Variants in DGKI observed in about 807,000 individuals in gnomAD.
The protein encoded by DGKI is diacylglycerol kinase iota.
In DGKI, 55 loss-of-function variants were observed where a neutral mutation model predicts 147.5. That is an observed-to-expected ratio of 0.37 (90% confidence interval 0.30 to 0.47). The LOEUF is 0.47. Ranked by LOEUF, DGKI falls within the 20% of genes least tolerant of loss-of-function variation. DGKI has a pLI of 1.00. For missense variants in DGKI, 1,007 were observed against 1,323.8 expected (o/e 0.76, Z 3.71); for synonymous variants, 469 against 477.1 (o/e 0.98, Z 0.22).
chr7:137,670,137 C>T (rs575054301), intron 3 of DGKI, among the ~76,000 whole-genome samples: 14 of 152,202 alleles, frequency 9.2e-5, no homozygotes, highest in South Asian at 4.1e-4. Context: ...TGTATAATGC[C>T]GTATATTGTT....
In DGKI at chr7:137,786,604, A is replaced by G. The variant is rs550047503; in HGVS notation, c.401+59858T>C. 1.7e-3 allele frequency among the ~76,000 whole-genome samples: 261 copies of G among 152,164 alleles called. 1 individual carries two copies. Among genetic ancestry groups the G allele is most frequent in the Middle Eastern group, 6.8e-3 (2 of 294 alleles). ...AAATACCACCATCATTCTTCACAGA[A>G]CTAGAAAAAACAATCCTAAAATTCA... On this transcript the variant is annotated intron_variant, in intron 1 of 32. Coordinates refer to ENST00000614521, the MANE Select transcript of DGKI (RefSeq NM_001321708.2).
At chr7:137,815,781 T>C (rs772714693) in intron 1 of DGKI, among the ~76,000 whole-genome samples, 1 of 152,156 alleles carries the variant, frequency 6.6e-6, no homozygotes, top group East Asian at 1.9e-4. Context: ...AAAAGATTAG[T>C]TCTACAAGGG....
chr7:137,683,076 T>C (rs1365627202), intron 2 of DGKI, among the ~76,000 whole-genome samples: 2 of 152,176 alleles, frequency 1.3e-5, no homozygotes, highest in Non-Finnish European at 2.9e-5. Context: ...TTTCATTATC[T>C]GAATATACCC....
chr7:137,794,414 T>C (rs1212824533), intron 1 of DGKI, among the ~76,000 whole-genome samples: 1 of 152,248 alleles, frequency 6.6e-6, no homozygotes, highest in African/African-American at 2.4e-5. Flanking sequence ...TTTAAGTTGA[T>C]ACAAATGAAC....
At chr7:137,423,797 TA>T (rs1364648947) in intron 28 of DGKI, among the ~76,000 whole-genome samples, 1 of 152,196 alleles carries the variant, frequency 6.6e-6, no homozygotes, top group Admixed American at 6.5e-5. Context: ...AGTGTACAAT[TA>T]AAAAATAAAT....
At chr7:137,608,607 AAAG>A (rs1427253898) in intron 10 of DGKI, among the ~76,000 whole-genome samples, 1 of 152,190 alleles carries the variant, frequency 6.6e-6, no homozygotes, top group Non-Finnish European at 1.5e-5. Context: ...AAAGAAATAA[AAAG>A]AAGTTGATGA....
At chr7:137,650,521 A>T (rs985570885) in intron 5 of DGKI, among the ~76,000 whole-genome samples, 7 of 152,176 alleles carry the variant, frequency 4.6e-5, no homozygotes, top group African/African-American at 1.7e-4. Flanking sequence ...CCCCAACGCA[A>T]TGGTAATAGG....
rs542964774 is a variant in DGKI at position 137,528,166 on chromosome 7, C to T, written c.2148-6200G>A. 3.3e-5 allele frequency among the ~76,000 whole-genome samples: 5 copies of T among 152,258 alleles called. No individual in the cohort carries two copies. In the South Asian group the frequency reaches 6.2e-4, roughly 19 times the overall value. ...CTGAGCTGCTTTCTAGCAGCTTTTC[C>T]CTTTGTGAAAAAGTCATAACTGATT... On this transcript the variant is annotated intron_variant, in intron 20 of 32. Transcript: ENST00000614521.
chr7:137,472,306 G>A (rs372560005), intron 23 of DGKI, among the ~76,000 whole-genome samples: 17 of 5,070 alleles, frequency 3.4e-3, no homozygotes, highest in Admixed American at 7.1e-3. Context: ...ATATTTATGT[G>A]TATATACATA....
intron 12 of DGKI, among the ~76,000 whole-genome samples, chr7:137,591,278 G>T (rs1284710287): frequency 6.6e-6 from 1 of 152,106 alleles, no homozygotes; most frequent in Non-Finnish European, 1.5e-5. Context: ...GTAGCCAAAT[G>T]ATCAAATATG....
At chr7:137,559,493 G>A (rs980136866) in intron 19 of DGKI, among the ~76,000 whole-genome samples, 4 of 151,762 alleles carry the variant, frequency 2.6e-5, no homozygotes, top group Non-Finnish European at 5.9e-5. Context: ...GCTAGAGAGT[G>A]AAAAAGAAAG....
chr7:137,739,060 CA>C (rs1173075994), intron 1 of DGKI, among the ~76,000 whole-genome samples: 1 of 152,110 alleles, frequency 6.6e-6, no homozygotes, highest in Non-Finnish European at 1.5e-5. Context: ...CAAAACCATG[CA>C]GAGCCACTTC....
chr7:137,694,539 A>C lies in DGKI; in HGVS notation c.402-4537T>G, dbSNP rs190364092. 2.0e-5 allele frequency among the ~76,000 whole-genome samples: 3 copies of C among 152,306 alleles called. No individual in the cohort carries two copies. The East Asian group carries it at 5.8e-4, about 29-fold the overall frequency. ...AGAATCAGGATTCTTCTTGCAGAGC[A>C]GAAAAGCACCAGAGAATCAGGAAGT... is the stretch of plus-strand genomic sequence containing the variant. On this transcript the variant is annotated intron_variant, in intron 1 of 32. Coordinates refer to ENST00000614521, the MANE Select transcript of DGKI (RefSeq NM_001321708.2).
chr7:137,585,411 TA>T, intron 13 of DGKI, 65 bp from the exon 14 acceptor site: 1 of 1,558,168 alleles, frequency 6.4e-7, no homozygotes. Flanking sequence ...AATGCTATTT[TA>T]CGCAAGGAAG....
intron 31 of DGKI, among the ~76,000 whole-genome samples, chr7:137,396,241 G>A (rs1811547246): frequency 6.6e-6 from 1 of 152,226 alleles, no homozygotes; most frequent in Admixed American, 6.5e-5. Context: ...TTCTGTGTGA[G>A]TGGCAGGTGG....
chr7:137,506,255 G>A (rs1287447456), intron 21 of DGKI, among the ~76,000 whole-genome samples: 1 of 152,158 alleles, frequency 6.6e-6, no homozygotes, highest in Non-Finnish European at 1.5e-5. Flanking sequence ...CCAGACAACG[G>A]AGTATTATTC....
chr7:137,800,180 ATACCTAC>A (rs1797154342), intron 1 of DGKI, among the ~76,000 whole-genome samples: 1 of 152,168 alleles, frequency 6.6e-6, no homozygotes, highest in African/African-American at 2.4e-5. Flanking sequence ...GAATTGGCAA[ATACCTAC>A]TACATCCTTA....
chr7:137,647,494 G>A (rs34222921), intron 5 of DGKI, among the ~76,000 whole-genome samples: 116 of 152,300 alleles, frequency 7.6e-4, no homozygotes, highest in African/African-American at 2.7e-3. Context: ...AAGAATCTCA[G>A]AATGCTGGGC....
intron 28 of DGKI, among the ~76,000 whole-genome samples, chr7:137,425,997 T>C (rs1203104281): frequency 1.3e-5 from 2 of 152,190 alleles, no homozygotes; most frequent in African/African-American, 2.4e-5. Flanking sequence ...CCAGGAGAAC[T>C]TCCCCAATCT....
Sources: allele counts gnomAD v4.1 joint callset (sites outside exome capture counted in the v4.1 genomes callset), GRCh38; gene constraint gnomAD v4.1.1; transcripts MANE v1.5; gene names NCBI Gene and HGNC (gene_info 2026-07-23, HGNC 2026-07-21).